The following JAK1 variants were observed in gnomAD, a reference collection of about 807,000 sequenced individuals.
The protein encoded by JAK1 is tyrosine-protein kinase JAK1.
JAK1 carries 16 observed loss-of-function variants against 136.6 expected under a neutral mutation model. The observed-to-expected ratio is 0.12, with a 90% confidence interval of 0.08 to 0.18. The LOEUF is 0.18. JAK1 is among the 10% of genes least tolerant of loss of function. The pLI, the probability that JAK1 is intolerant of heterozygous loss-of-function variation, is 1.00. For synonymous variants in JAK1, 492 were observed against 519.5 expected, an observed-to-expected ratio of 0.95 and a Z score of 0.72; for missense variants, 859 against 1,450.1, an observed-to-expected ratio of 0.59 and a Z score of 6.62.
chr1:65,026,773 CTGGCCAACATG>C (rs1004269954), intron 2 of JAK1, among the ~76,000 whole-genome samples: 1 of 151,968 alleles, frequency 6.6e-6, no homozygotes, highest in African/African-American at 2.4e-5. Context: ...TGAGACCAAC[CTGGCCAACATG>C]GTGAAACCTC....
chr1:64,933,433 T>C (rs1276303061), intron 1 of JAK1, among the ~76,000 whole-genome samples: 2 of 152,228 alleles, frequency 1.3e-5, no homozygotes, highest in Non-Finnish European at 2.9e-5. Flanking sequence ...GTTGTACATG[T>C]TTCCAAGGGA....
intron 1 of JAK1, among the ~76,000 whole-genome samples, chr1:64,923,493 C>T (rs1031014689): frequency 1.3e-5 from 2 of 152,104 alleles, no homozygotes; most frequent in Non-Finnish European, 2.9e-5. Context: ...ACTCCAAAAC[C>T]ACTTTGGTTC....
intron 1 of JAK1, among the ~76,000 whole-genome samples, chr1:64,896,879 T>C (rs2101421820): frequency 6.6e-6 from 1 of 152,324 alleles, no homozygotes; most frequent in East Asian, 1.9e-4. Flanking sequence ...CCCTGCCACT[T>C]AGTAGCTGGC....
intron 17 of JAK1, among the ~76,000 whole-genome samples, chr1:64,842,714 G>T (rs967774758): frequency 6.6e-6 from 1 of 152,128 alleles, no homozygotes; most frequent in African/African-American, 2.4e-5. Context: ...ACTGACTGAT[G>T]ACAAAGGGTA....
chr1:64,995,185 G>C (rs964252939), intron 2 of JAK1: 9 of 152,092 alleles, frequency 5.9e-5, no homozygotes, highest in African/African-American at 1.9e-4. Context: ...TACACTTAAA[G>C]TTAAAGCCCA....
rs1365934432 is a variant in JAK1, at chr1:65,025,419, C to T, written c.-78+19061G>A. On this transcript the variant is annotated intron_variant, in intron 2 of 25. Transcript: ENST00000671954. Reference sequence around the variant, plus strand: ...AGCAAATGTCCACTACAGTGCTTCCCAACCACGGCCTCACTAAAAATCAAC... The same window carrying T: ...AGCAAATGTCCACTACAGTGCTTCCTAACCACGGCCTCACTAAAAATCAAC... Among the ~76,000 whole-genome samples the T allele has an allele frequency of 2.0e-5, 3 of 152,126 alleles. No individual in the cohort carries two copies. In the South Asian group the frequency reaches 6.2e-4, roughly 32 times the overall value.
At chr1:64,986,447 A>G (rs1054035206) in intron 2 of JAK1, among the ~76,000 whole-genome samples, 3 of 152,090 alleles carry the variant, frequency 2.0e-5, no homozygotes, top group Non-Finnish European at 2.9e-5. Flanking sequence ...AAGATCTAGG[A>G]GTGTGATTCC....
At chr1:65,012,360 C>T (rs913678465) in intron 2 of JAK1, among the ~76,000 whole-genome samples, 2 of 152,146 alleles carry the variant, frequency 1.3e-5, no homozygotes, top group African/African-American at 4.8e-5. Flanking sequence ...CCTTAGTGGA[C>T]ACCAGTCCAG....
At chr1:64,886,923 A>G (rs932539456) in intron 1 of JAK1, among the ~76,000 whole-genome samples, 1 of 152,210 alleles carries the variant, frequency 6.6e-6, no homozygotes, top group Non-Finnish European at 1.5e-5. Flanking sequence ...ATTAACAGTG[A>G]TTATCACCTC....
At chr1:64,840,675 TAAA>T (rs1355488115) in intron 19 of JAK1, among the ~76,000 whole-genome samples, 2 of 151,876 alleles carry the variant, frequency 1.3e-5, no homozygotes, top group Non-Finnish European at 2.9e-5. Flanking sequence ...CAATAAAAAA[TAAA>T]AAATATTAGC....
chr1:64,905,788 T>G (rs1645180497), intron 1 of JAK1, among the ~76,000 whole-genome samples: 1 of 152,208 alleles, frequency 6.6e-6, no homozygotes, highest in Non-Finnish European at 1.5e-5. Context: ...TGTGTTTATG[T>G]GTACCTATCT....
At chr1:64,912,557 C>G (rs189869753) in intron 1 of JAK1, among the ~76,000 whole-genome samples, 1 of 152,262 alleles carries the variant, frequency 6.6e-6, no homozygotes. Context: ...ATAATAAAAG[C>G]TGATATTTGC....
chr1:64,972,249 A>C (rs571612678), intron 2 of JAK1: 1 of 152,364 alleles, frequency 6.6e-6, no homozygotes, highest in South Asian at 2.1e-4. Context: ...TTCTTTAATA[A>C]ATGTAAAAAT....
intron 1 of JAK1, among the ~76,000 whole-genome samples, chr1:64,936,399 T>C (rs1433761356): frequency 6.6e-6 from 1 of 152,194 alleles, no homozygotes; most frequent in African/African-American, 2.4e-5. Context: ...CAATGCAAGG[T>C]AGGAATTGGT....
chr1:64,864,088 C>T (rs1165474944), intron 8 of JAK1, among the ~76,000 whole-genome samples: 1 of 152,222 alleles, frequency 6.6e-6, no homozygotes, highest in Non-Finnish European at 1.5e-5. Context: ...CAGCACTGAG[C>T]GTTATCATTG....
At chr1:64,954,959 G>A (rs2375551) in intron 1 of JAK1, among the ~76,000 whole-genome samples, 29,595 of 151,922 alleles carry the variant, frequency 0.19, 3,537 homozygotes, top group East Asian at 0.41. Context: ...TAACTTGCCC[G>A]AATTTATTTA....
At chr1:64,937,207 CTA>C (rs1450016019) in intron 1 of JAK1, among the ~76,000 whole-genome samples, 1 of 152,138 alleles carries the variant, frequency 6.6e-6, no homozygotes, top group Non-Finnish European at 1.5e-5. Context: ...AGCTTCAGGG[CTA>C]CCAGGACCAT....
In JAK1 at chr1:64,857,769, C is replaced by T. The variant is rs765489448; in HGVS notation, c.1345G>A (p.Ala449Thr). 5.6e-6 allele frequency: 9 copies of T among 1,614,130 alleles called. No homozygotes were observed. The highest frequency in any genetic ancestry group is 2.2e-5 in the East Asian group (1 of 44,888). Residue 449 changes from alanine to threonine, a missense_variant, in exon 10 of 25, where the codon GCC becomes ACC. Ala to Thr is a moderately conservative substitution (Grantham distance 58). Coordinates refer to ENST00000342505, the MANE Select transcript of JAK1 (RefSeq NM_002227.4). Reference protein sequence around the residue: ...GCHGPICTEYAINKLRQEGSE... With the variant: ...GCHGPICTEYTINKLRQEGSE... The stretch of plus-strand genomic sequence containing the variant: ...CCTTCTTGCCGCAATTTATTGATGG[C>T]GTATTCTGTACTAGAGGGAGAAGTA...
At chr1:65,002,127 A>C (rs964345421) in intron 2 of JAK1, among the ~76,000 whole-genome samples, 2 of 152,214 alleles carry the variant, frequency 1.3e-5, no homozygotes, top group African/African-American at 4.8e-5. Context: ...GCTGTCCAAT[A>C]TGTATGTATA....
Sources: allele counts gnomAD v4.1 joint callset (sites outside exome capture counted in the v4.1 genomes callset), GRCh38; gene constraint gnomAD v4.1.1; transcripts MANE v1.5; gene names NCBI Gene and HGNC (gene_info 2026-07-23, HGNC 2026-07-21).